Variants in PDS5A observed in about 807,000 individuals in gnomAD.
The protein encoded by PDS5A is sister chromatid cohesion protein PDS5 homolog A.
Under a neutral mutation model 167.1 loss-of-function variants are expected in PDS5A, and 42 were observed. The ratio of observed to expected loss-of-function variants is 0.25; its 90% CI spans 0.20 to 0.33. The LOEUF is 0.33. PDS5A is among the 10% of genes least tolerant of loss of function. PDS5A has a pLI of 1.00. For synonymous variants in PDS5A, 553 were observed against 554.6 expected (o/e 1.00, Z 0.04); for missense variants, 1,033 against 1,605.9 (o/e 0.64, Z 6.10).
chr4:39,926,744 T>G lies in PDS5A; in HGVS notation c.429+31A>C, dbSNP rs992589779. 3.1e-6 allele frequency: 4 copies of G among 1,288,706 alleles called. No homozygotes were observed. In the African/African-American group the frequency reaches 4.7e-5, roughly 15 times the overall value. The allele number at this position is 1,288,706 out of a possible 1,614,324, so 79.8% of individuals were successfully genotyped here. A position where few individuals can be genotyped will look rare whatever the true frequency, so the allele number is the denominator to read the frequency against. On this transcript the variant is annotated intron_variant, in intron 4 of 32. Coordinates refer to ENST00000303538, the MANE Select transcript of PDS5A (RefSeq NM_001100399.2). ...GAATTTGCTATCATGTGAAATAATGTTAATAGTTATTAAAGTTTTTTTTTT... is the reference window on the plus strand; with the variant it reads ...GAATTTGCTATCATGTGAAATAATGGTAATAGTTATTAAAGTTTTTTTTTT...
At chr4:39,875,411 T>A (rs141935766) in intron 19 of PDS5A, among the ~76,000 whole-genome samples, 6 of 152,226 alleles carry the variant, frequency 3.9e-5, no homozygotes, top group African/African-American at 1.4e-4. Flanking sequence ...CAGAATAAAA[T>A]TGATAAAACG....
intron 14 of PDS5A, among the ~76,000 whole-genome samples, chr4:39,900,152 A>C (rs1191934534): frequency 6.6e-6 from 1 of 152,180 alleles, no homozygotes; most frequent in African/African-American, 2.4e-5. Context: ...ATTTAATTCT[A>C]ATTATTTGAA....
At chr4:39,906,917 TAAAAAAAAAAA>T (rs1191690836) in intron 11 of PDS5A, among the ~76,000 whole-genome samples, 7 of 54,032 alleles carry the variant, frequency 1.3e-4, no homozygotes, top group African/African-American at 4.3e-4. Context: ...ATTTCTTACA[TAAAAAAAAAAA>T]AAAAAAAAAA....
intron 10 of PDS5A, among the ~76,000 whole-genome samples, chr4:39,909,194 C>T (rs1416842316): frequency 2.0e-5 from 3 of 151,862 alleles, no homozygotes; most frequent in Middle Eastern, 3.4e-3. Flanking sequence ...AGAGCAATCT[C>T]GGTGCACTGC....
intron 8 of PDS5A, among the ~76,000 whole-genome samples, chr4:39,916,013 G>T (rs898523241): frequency 1.3e-5 from 2 of 152,064 alleles, no homozygotes; most frequent in African/African-American, 4.8e-5. Context: ...CAGGAGAATT[G>T]CATTAGGCCA....
intron 22 of PDS5A, among the ~76,000 whole-genome samples, chr4:39,867,755 CACACACACACACACACACA>C (rs1719641004): frequency 2.0e-5 from 3 of 149,556 alleles, no homozygotes; most frequent in Non-Finnish European, 4.4e-5. Flanking sequence ...CACACACACA[CACACACACACACACACACA>C]CCCCACAACT....
chr4:39,913,588 A>G, intron 9 of PDS5A, 23 bp downstream of exon 9: 1 of 1,274,828 alleles, frequency 7.8e-7, no homozygotes, highest in Non-Finnish European at 1.1e-6. Context: ...AAATATAAAC[A>G]TCAGAATTAT....
chr4:39,976,474 T>C lies in PDS5A; in HGVS notation c.104A>G (p.Lys35Arg). Residue 35 changes from lysine to arginine, a missense_variant, in exon 2 of 33, where the codon AAG (lysine) becomes AGG (arginine). Physicochemically the swap from Lys to Arg is conservative, Grantham distance 26 (BLOSUM62 2). Coordinates refer to ENST00000303538, the MANE Select transcript of PDS5A (RefSeq NM_001100399.2). ...TTTGATCATCTCGTCCGTGGTGATC[T>C]TGTCGGTGATCTCTTTTACCCCCGG... The part of the protein sequence containing the change: ...YPPGVKEITD[K>R]ITTDEMIKRL... 6.2e-7 allele frequency: 1 copy of C among 1,613,624 alleles called. No homozygotes were observed. Among genetic ancestry groups the C allele is most frequent in the Middle Eastern group, 1.7e-4 (1 of 6,058 alleles).
intron 6 of PDS5A, among the ~76,000 whole-genome samples, chr4:39,922,361 TCA>T (rs1725062599): frequency 6.6e-6 from 1 of 152,148 alleles, no homozygotes; most frequent in Non-Finnish European, 1.5e-5. Context: ...CTTACAATTC[TCA>T]GATTATTTGT....
intron 10 of PDS5A, 31 bp from the exon 11 acceptor site, chr4:39,908,571 AT>A (rs1237015001): frequency 7.5e-7 from 1 of 1,328,604 alleles, no homozygotes; most frequent in Non-Finnish European, 1.1e-6. Context: ...CTTAGGCTAA[AT>A]GTTAGCTATG....
At chr4:39,907,215 A>C (rs1171121736) in intron 11 of PDS5A, among the ~76,000 whole-genome samples, 1 of 152,240 alleles carries the variant, frequency 6.6e-6, no homozygotes, top group Non-Finnish European at 1.5e-5. Flanking sequence ...ATTAAAGCCA[A>C]GGGAAAAAAA....
In PDS5A at chr4:39,825,457, T is replaced by C. The variant is rs759087497; in HGVS notation, c.*28A>G. The C allele has an allele frequency of 1.9e-6, 3 of 1,573,604 alleles. No individual in the cohort carries two copies. The highest frequency in any genetic ancestry group is 4.5e-5 in the East Asian group (2 of 44,204). ...AGCTGGAGCCTGCTTCTGTTTGGCC[T>C]TCATTTTCTCCCTTTGCAAATGCAT... On this transcript the variant is annotated 3_prime_UTR_variant, in exon 33 of 33. Transcript: ENST00000303538.
intron 16 of PDS5A, 162 bp downstream of exon 16, chr4:39,898,227 G>A (rs1722589614): frequency 7.7e-7 from 1 of 1,297,252 alleles, no homozygotes; most frequent in Non-Finnish European, 9.8e-7. Flanking sequence ...GAGAGTGAAT[G>A]GTAAATAGAG....
At chr4:39,865,441 C>T (rs1719351181) in intron 23 of PDS5A, among the ~76,000 whole-genome samples, 1 of 152,228 alleles carries the variant, frequency 6.6e-6, no homozygotes, top group South Asian at 2.1e-4. Context: ...TATAGTCCCA[C>T]TACTCAGGAG....
At chr4:39,883,940 C>CT (rs58050331) in intron 17 of PDS5A, among the ~76,000 whole-genome samples, 35,294 of 143,306 alleles carry the variant, frequency 0.25, 4,585 homozygotes, top group East Asian at 0.43. Context: ...TTCTCCTTTG[C>CT]TTTTTTTTTT....
At chr4:39,903,079 T>C (rs937710244) in intron 12 of PDS5A, among the ~76,000 whole-genome samples, 6 of 152,210 alleles carry the variant, frequency 3.9e-5, no homozygotes, top group African/African-American at 1.4e-4. Context: ...TTCAGCAGTC[T>C]AGAACAAAAG....
rs563126136 is a variant in PDS5A at position 39,865,248 on chromosome 4, C to T, written c.2642+1613G>A. Among the ~76,000 whole-genome samples, 18 of 152,218 alleles carry T rather than the reference C, an allele frequency of 1.2e-4. No individual in the cohort carries two copies. In the East Asian group the frequency reaches 2.9e-3, roughly 24 times the overall value. The stretch of plus-strand genomic sequence containing the variant: ...ACTGATAATAGCTAAACTTCATCTC[C>T]ACTGGGGGTCCTGCCTAGGTATCAC... On this transcript the variant is annotated intron_variant, in intron 23 of 32. Coordinates refer to ENST00000303538, the MANE Select transcript of PDS5A (RefSeq NM_001100399.2).
chr4:39,911,495 C>A (rs931818015), intron 9 of PDS5A, among the ~76,000 whole-genome samples: 1 of 151,958 alleles, frequency 6.6e-6, no homozygotes, highest in Non-Finnish European at 1.5e-5. Flanking sequence ...GTCTAGTATA[C>A]GTTAAGAATT....
At position 39,950,904 on chromosome 4, in the gene PDS5A, G is replaced by T. The variant is rs866903741; in HGVS notation, c.139-22740C>A. Among the ~76,000 whole-genome samples the T allele has an allele frequency of 7.3e-5, 11 of 151,388 alleles. No individual in the cohort carries two copies. The South Asian group carries it at 1.3e-3, about 17-fold the overall frequency. Reference sequence around the variant, plus strand: ...CTATGCCCACCCTGAATTTTTTTTTGGTTTTAATTTTTAAAATAGATAGGG... The same window carrying T: ...CTATGCCCACCCTGAATTTTTTTTTTGTTTTAATTTTTAAAATAGATAGGG... On this transcript the variant is annotated intron_variant, in intron 2 of 32. Transcript: ENST00000303538.
Sources: allele counts gnomAD v4.1 joint callset (sites outside exome capture counted in the v4.1 genomes callset), GRCh38; gene constraint gnomAD v4.1.1; transcripts MANE v1.5; gene names NCBI Gene and HGNC (gene_info 2026-07-23, HGNC 2026-07-21).